The following SLCO6A1 variants were observed in gnomAD, a reference collection of about 807,000 sequenced individuals.
SLCO6A1 encodes the protein cancer/testis antigen 48.
A neutral mutation model predicts 72.7 loss-of-function variants in SLCO6A1; 65 were observed. The ratio of observed to expected loss-of-function variants is 0.89; its 90% CI spans 0.73 to 1.10. The LOEUF (loss-of-function observed/expected upper bound fraction) is 1.10. SLCO6A1 is among the 50% of genes least tolerant of loss of function. SLCO6A1 has a pLI of 0.00. For missense variants in SLCO6A1, 874 were observed against 872.6 expected (o/e 1.00, Z -0.02); for synonymous variants, 314 against 298.2 (o/e 1.05, Z -0.55).
chr5:102,442,111 T>C (rs1749867340), intron 6 of SLCO6A1, among the ~76,000 whole-genome samples: 2 of 152,214 alleles, frequency 1.3e-5, no homozygotes, highest in South Asian at 4.1e-4. Context: ...ACAGGCAGAA[T>C]AAGAAACAAA....
chr5:102,436,671 T>C (rs926789872), intron 7 of SLCO6A1, among the ~76,000 whole-genome samples: 4 of 152,146 alleles, frequency 2.6e-5, no homozygotes, highest in African/African-American at 9.7e-5. Flanking sequence ...TGACTGATAA[T>C]TTCATGGACT....
At chr5:102,449,337 C>T (rs1251725620) in intron 6 of SLCO6A1, among the ~76,000 whole-genome samples, 2 of 151,658 alleles carry the variant, frequency 1.3e-5, no homozygotes, top group African/African-American at 4.8e-5. Flanking sequence ...ATAACTATGT[C>T]TCTTGGGGAT....
In SLCO6A1 at chr5:102,496,735, C is replaced by T. The variant is rs188068019; in HGVS notation, c.358+1752G>A. Among the ~76,000 whole-genome samples, 607 of 152,264 alleles carry T rather than the reference C, an allele frequency of 4.0e-3. 5 individuals are homozygous for T. The highest frequency in any genetic ancestry group is 0.014 in the African/African-American group (581 of 41,540). ...ACATATTTACTGAGTGTCTTCTATA[C>T]CTCAGTCACTAAGGAGACATGATGG... On this transcript the variant is annotated intron_variant, in intron 1 of 13. Transcript: ENST00000506729.
At chr5:102,440,669 A>G (rs1451371306) in intron 6 of SLCO6A1, among the ~76,000 whole-genome samples, 1 of 152,210 alleles carries the variant, frequency 6.6e-6, no homozygotes, top group African/African-American at 2.4e-5. Context: ...GTTGACCCCA[A>G]GTATAGTTGA....
chr5:102,478,940 A>G (rs1239888365), intron 2 of SLCO6A1, among the ~76,000 whole-genome samples: 2 of 152,200 alleles, frequency 1.3e-5, no homozygotes, highest in African/African-American at 4.8e-5. Context: ...ATACAGACAT[A>G]TTAACTTGTG....
At chr5:102,388,144 A>G (rs1291608325) in intron 12 of SLCO6A1, among the ~76,000 whole-genome samples, 1 of 152,144 alleles carries the variant, frequency 6.6e-6, no homozygotes, top group Non-Finnish European at 1.5e-5. Context: ...GTGGAGGTAG[A>G]AAGGGTTACA....
intron 12 of SLCO6A1, among the ~76,000 whole-genome samples, chr5:102,380,909 A>C (rs1375528711): frequency 6.6e-6 from 1 of 151,872 alleles, no homozygotes; most frequent in Non-Finnish European, 1.5e-5. Context: ...AAGCATGCCA[A>C]CCACCAGTCC....
intron 6 of SLCO6A1, among the ~76,000 whole-genome samples, chr5:102,455,904 A>G (rs1486608734): frequency 6.6e-6 from 1 of 152,204 alleles, no homozygotes. Flanking sequence ...AAGCTTATCC[A>G]CCATGATCAA....
At chr5:102,412,872 T>C in intron 9 of SLCO6A1, 118 bp downstream of exon 9, 1 of 387,916 alleles carries the variant, frequency 2.6e-6, no homozygotes, top group Non-Finnish European at 4.2e-6. Flanking sequence ...AAGAAAAATG[T>C]TAATAGCATC....
chr5:102,409,433 T>C (rs1374043150), intron 9 of SLCO6A1, among the ~76,000 whole-genome samples: 1 of 152,120 alleles, frequency 6.6e-6, no homozygotes, highest in Non-Finnish European at 1.5e-5. Flanking sequence ...AGCATATAGG[T>C]ACTTGATCAT....
At chr5:102,482,523 C>G (rs1164742945) in intron 1 of SLCO6A1, among the ~76,000 whole-genome samples, 1 of 152,102 alleles carries the variant, frequency 6.6e-6, no homozygotes, top group East Asian at 1.9e-4. Context: ...GCACTACAAA[C>G]TTGTTTACTA....
intron 2 of SLCO6A1, 95 bp from the exon 3 acceptor site, chr5:102,477,956 C>A (rs368715891): frequency 2.5e-6 from 3 of 1,186,138 alleles, no homozygotes; most frequent in East Asian, 4.9e-5. Flanking sequence ...AAGCTATTTC[C>A]AAAATTATGC....
At chr5:102,455,970 T>C (rs1750690136) in intron 6 of SLCO6A1, among the ~76,000 whole-genome samples, 1 of 152,152 alleles carries the variant, frequency 6.6e-6, no homozygotes, top group African/African-American at 2.4e-5. Flanking sequence ...TCAATAAACA[T>C]AATCCAGCAT....
chr5:102,413,838 T>C (rs1413001738), intron 8 of SLCO6A1, among the ~76,000 whole-genome samples: 1 of 152,192 alleles, frequency 6.6e-6, no homozygotes, highest in Non-Finnish European at 1.5e-5. Flanking sequence ...ATTTTGGGTT[T>C]TAATAGGCAT....
chr5:102,438,620 C>A lies in SLCO6A1; in HGVS notation c.1273G>T (p.Ala425Ser). Reference sequence around the variant, plus strand: ...GACAATAAGAAGGTAAATCTACCTGCAAGTGTAGTTGCCACAGTGGGTGTT... The same window carrying A: ...GACAATAAGAAGGTAAATCTACCTGAAAGTGTAGTTGCCACAGTGGGTGTT... Reference protein sequence around the residue: ...ILTPTVATTLAGLVLIPGGAL... With the variant: ...ILTPTVATTLSGLVLIPGGAL... Residue 425 changes from alanine to serine, a missense_variant, in exon 7 of 14, where the codon GCA (alanine) becomes TCA (serine). Physicochemically the swap from Ala to Ser is moderately conservative, Grantham distance 99 (BLOSUM62 1). Coordinates refer to ENST00000506729, the MANE Select transcript of SLCO6A1 (RefSeq NM_173488.5). 1 of 1,588,484 alleles carries A rather than the reference C, an allele frequency of 6.3e-7. No homozygotes were observed. Among genetic ancestry groups the A allele is most frequent in the Non-Finnish European group, 8.5e-7 (1 of 1,171,908 alleles).
chr5:102,392,982 T>C (rs1437520453), intron 10 of SLCO6A1, among the ~76,000 whole-genome samples: 1 of 152,114 alleles, frequency 6.6e-6, no homozygotes, highest in Non-Finnish European at 1.5e-5. Context: ...CAAGCCCAAA[T>C]CTTGGAAAAA....
At chr5:102,433,968 C>T (rs574475082) in intron 7 of SLCO6A1, among the ~76,000 whole-genome samples, 1 of 152,154 alleles carries the variant, frequency 6.6e-6, no homozygotes, top group South Asian at 2.1e-4. Flanking sequence ...GCATTTGTAT[C>T]TTTCGTCTAT....
chr5:102,405,232 G>A (rs1396362256), intron 9 of SLCO6A1, among the ~76,000 whole-genome samples: 1 of 151,882 alleles, frequency 6.6e-6, no homozygotes. Flanking sequence ...AATTGTGAAG[G>A]AGAAGAGAAA....
At chr5:102,476,949 A>G (rs1473225792) in intron 3 of SLCO6A1, among the ~76,000 whole-genome samples, 1 of 152,102 alleles carries the variant, frequency 6.6e-6, no homozygotes, top group Admixed American at 6.6e-5. Flanking sequence ...ATAAGACAGT[A>G]CAGGTTATTC....
Sources: gnomAD v4.1 joint callset for allele counts (sites outside exome capture counted in the v4.1 genomes callset) on GRCh38, gnomAD v4.1.1 for gene constraint, MANE v1.5 for transcripts, NCBI Gene and HGNC (gene_info 2026-07-23, HGNC 2026-07-21) for gene names.